Variants in FRY observed in about 807,000 individuals in gnomAD.
FRY encodes the protein FRY microtubule binding protein.
In FRY, 128 loss-of-function variants were observed where a neutral mutation model predicts 348.4. The ratio of observed to expected loss-of-function variants is 0.37; its 90% CI spans 0.32 to 0.43. The LOEUF is 0.43. FRY is among the 20% of genes least tolerant of loss of function. FRY has a pLI of 1.00. For missense variants in FRY, 2,736 were observed against 3,695.2 expected (o/e 0.74, Z 6.73); for synonymous variants, 1,370 against 1,374.7 (o/e 1.00, Z 0.08).
At chr13:32,112,784 T>C (rs138469726) in intron 3 of FRY, among the ~76,000 whole-genome samples, 72 of 152,368 alleles carry the variant, frequency 4.7e-4, no homozygotes, top group Non-Finnish European at 8.7e-4. Context: ...TGGTTAAACA[T>C]ATTCACACCT....
chr13:32,250,137 T>A (rs971495933), intron 49 of FRY, among the ~76,000 whole-genome samples: 12 of 152,194 alleles, frequency 7.9e-5, no homozygotes, highest in Non-Finnish European at 1.8e-4. Flanking sequence ...ATGGTGTCCA[T>A]GCACGGGCTG....
intron 3 of FRY, among the ~76,000 whole-genome samples, chr13:32,116,980 A>T (rs1049255305): frequency 6.6e-6 from 1 of 152,318 alleles, no homozygotes; most frequent in East Asian, 1.9e-4. Context: ...TTATACAACA[A>T]ACATTTTTAG....
chr13:32,124,883 A>T lies in FRY; in HGVS notation c.716+8A>T, dbSNP rs770209573. The T allele has an allele frequency of 1.6e-5, 25 of 1,591,260 alleles. No individual in the cohort carries two copies. The Admixed American group carries it at 4.2e-4, about 27-fold the overall frequency. ...AGTGTTGGCACAAGCCAAGTAAGTG[A>T]ATGCCAGAACCCTTTACCATGAGAA... On this transcript the variant is annotated splice_region_variant and intron_variant, in intron 7 of 60. Coordinates refer to ENST00000542859, the MANE Select transcript of FRY (RefSeq NM_023037.3).
intron 32 of FRY, among the ~76,000 whole-genome samples, 158 bp from the exon 33 acceptor site, chr13:32,209,427 A>G (rs1053009376): frequency 6.6e-6 from 1 of 152,214 alleles, no homozygotes; most frequent in African/African-American, 2.4e-5. Context: ...ATTATTAACT[A>G]CTGTTTACTG....
chr13:32,126,136 C>G (rs1462380411), intron 7 of FRY, among the ~76,000 whole-genome samples: 2 of 152,102 alleles, frequency 1.3e-5, no homozygotes, highest in Non-Finnish European at 2.9e-5. Context: ...CTGTAGTTAT[C>G]CAGCAAATCG....
chr13:32,262,302 C>CT lies in FRY; in HGVS notation c.7618-7dup. 1 of 1,608,518 alleles carries CT rather than the reference C, an allele frequency of 6.2e-7. No homozygotes were observed. The highest frequency in any genetic ancestry group is 8.5e-7 in the Non-Finnish European group (1 of 1,175,072). On this transcript the variant is annotated splice_polypyrimidine_tract_variant and intron_variant, in intron 52 of 60. Coordinates refer to ENST00000542859, the MANE Select transcript of FRY (RefSeq NM_023037.3). ...TTCATACTATGTTTAATTTCCTTTG[C>CT]TTTTTAAACAGATCATGACTCTCTC...
chr13:32,123,944 C>T (rs1042341814), intron 4 of FRY, among the ~76,000 whole-genome samples: 2 of 152,142 alleles, frequency 1.3e-5, no homozygotes, highest in African/African-American at 4.8e-5. Context: ...AGACGATTCT[C>T]CTGCTTCAGC....
intron 3 of FRY, among the ~76,000 whole-genome samples, chr13:32,102,550 A>G (rs1877234120): frequency 6.6e-6 from 1 of 152,238 alleles, no homozygotes; most frequent in Non-Finnish European, 1.5e-5. Flanking sequence ...ATAAAACAGT[A>G]TAGGATCTTA....
chr13:32,278,347 C>T (rs1362306859), intron 57 of FRY, 118 bp from the exon 58 acceptor site: 2 of 713,538 alleles, frequency 2.8e-6, no homozygotes, highest in South Asian at 1.5e-5. Context: ...GTCATTACAG[C>T]ACAATTTCAT....
rs539350361 is a variant in FRY at position 32,213,457 on chromosome 13, T to C, written c.4682+1075T>C. ...CCCAAACCCAGCAGATCACGAATTA[T>C]AGACCTTGTCCTTTGAAGTTCTCTA... is the stretch of plus-strand genomic sequence containing the variant. On this transcript the variant is annotated intron_variant, in intron 35 of 60. Coordinates refer to ENST00000542859, the MANE Select transcript of FRY (RefSeq NM_023037.3). 3.3e-5 allele frequency among the ~76,000 whole-genome samples: 5 copies of C among 152,380 alleles called. No individual in the cohort carries two copies. The South Asian group carries it at 8.3e-4, about 25-fold the overall frequency.
chr13:32,117,174 A>T (rs1420053126), intron 3 of FRY, among the ~76,000 whole-genome samples, 160 bp from the exon 4 acceptor site: 1 of 152,228 alleles, frequency 6.6e-6, no homozygotes, highest in East Asian at 1.9e-4. Flanking sequence ...ATTAAGAGAC[A>T]GGCTCTTGGG....
chr13:32,287,353 C>G (rs1889130152), intron 58 of FRY, among the ~76,000 whole-genome samples: 1 of 152,048 alleles, frequency 6.6e-6, no homozygotes, highest in African/African-American at 2.4e-5. Flanking sequence ...AAAGAAAATA[C>G]CATGTAGATT....
intron 46 of FRY, among the ~76,000 whole-genome samples, chr13:32,242,409 C>T (rs1438430388): frequency 6.6e-6 from 1 of 152,018 alleles, no homozygotes; most frequent in Non-Finnish European, 1.5e-5. Context: ...TTTGTCATTC[C>T]ATTTATTTTT....
rs570322467 is a variant in FRY, at chr13:32,287,114, A to G, written c.8470-2519A>G. Among the ~76,000 whole-genome samples, 710 of 151,960 alleles carry G rather than the reference A, an allele frequency of 4.7e-3. 4 individuals carry two copies. The highest frequency in any genetic ancestry group is 7.6e-3 in the Non-Finnish European group (518 of 67,936). On this transcript the variant is annotated intron_variant, in intron 58 of 60. Coordinates refer to ENST00000542859, the MANE Select transcript of FRY (RefSeq NM_023037.3). ...CAGGAGGCGGAGGTTGCAATGAGCC[A>G]AAATCGTGCCACTGTACTCCAGCCT... is the stretch of plus-strand genomic sequence containing the variant.
In FRY at chr13:32,178,441, G is replaced by A. The variant is rs1882499955; in HGVS notation, c.2681+5G>A. ...GATGCCTCTGGTGGACCCAAAGTAA[G>A]GGATTCTTGTGTTTTCCTCTGCCCT... On this transcript the variant is annotated splice_donor_5th_base_variant and intron_variant, in intron 21 of 60. Coordinates refer to ENST00000542859, the MANE Select transcript of FRY (RefSeq NM_023037.3). 2 of 1,613,952 alleles carry A rather than the reference G, an allele frequency of 1.2e-6. No individual in the cohort carries two copies. Among genetic ancestry groups the A allele is most frequent in the African/African-American group, 2.7e-5 (2 of 74,902 alleles).
chr13:32,239,822 C>T lies in FRY; in HGVS notation c.6628C>T (p.Arg2210Ter). 2 of 1,614,044 alleles carry T rather than the reference C, an allele frequency of 1.2e-6. No individual in the cohort carries two copies. Among genetic ancestry groups the T allele is most frequent in the Non-Finnish European group, 1.7e-6 (2 of 1,179,984 alleles). The stretch of plus-strand genomic sequence containing the variant: ...TGCCACGTGGGTCAATGTGGTCTGT[C>T]GATACCTTCATGAAGCATATGCTGA... Reference protein sequence around the residue: ...DCATWVNVVCRYLHEAYADIT... With the variant: ...DCATWVNVVC Residue 2210 changes from arginine (R) to a stop codon, truncating the protein, a stop_gained, in exon 46 of 61, where the codon CGA (arginine) becomes TGA (stop). Transcript: ENST00000542859. LOFTEE classifies it high-confidence loss of function. This position sits in a 1 kb window ranked among gnomAD's most constrained non-coding sequence, Gnocchi z 4.3.
intron 1 of FRY, among the ~76,000 whole-genome samples, chr13:32,052,127 AGT>A (rs575500624): frequency 1.7e-4 from 26 of 152,176 alleles, no homozygotes; most frequent in Non-Finnish European, 3.4e-4. Flanking sequence ...GCATTTATTG[AGT>A]GTGCTGTCTT....
intron 4 of FRY, among the ~76,000 whole-genome samples, chr13:32,117,965 T>G (rs563874687): frequency 1.3e-5 from 2 of 152,308 alleles, no homozygotes; most frequent in African/African-American, 4.8e-5. Context: ...TACCTCAGCC[T>G]CCTTGTGAGC....
intron 24 of FRY, among the ~76,000 whole-genome samples, chr13:32,183,776 C>CA (rs10706504): frequency 0.011 from 875 of 77,948 alleles, 4 homozygotes; most frequent in African/African-American, 0.025. Flanking sequence ...ACTCTGTCTC[C>CA]AAAAAAAAAA....
Sources: gnomAD v4.1 joint callset for allele counts (sites outside exome capture counted in the v4.1 genomes callset) on GRCh38, gnomAD v4.1.1 for gene constraint, Gnocchi (gnomAD v3.1) non-coding constraint, MANE v1.5 for transcripts, NCBI Gene and HGNC (gene_info 2026-07-23, HGNC 2026-07-21) for gene names.